Variants in EFTUD2 observed in about 807,000 individuals in gnomAD.
EFTUD2 encodes elongation factor Tu GTP binding domain containing 2.
A neutral mutation model predicts 114.3 loss-of-function variants in EFTUD2; 9 were observed. The observed-to-expected ratio is 0.08, with a 90% CI of 0.05 to 0.14. The LOEUF is 0.14. Among genes scored for constraint, EFTUD2 ranks in the 10% least tolerant of loss-of-function variants. EFTUD2 has a pLI of 1.00. For synonymous variants in EFTUD2, 449 were observed against 462.3 expected (o/e 0.97, Z 0.37); for missense variants, 765 against 1,241.2 (o/e 0.62, Z 5.76).
chr17:44,882,993 ATTAT>A (rs1034361489), intron 6 of EFTUD2, 96 bp downstream of exon 6: 132 of 1,142,260 alleles, frequency 1.2e-4, no homozygotes, highest in Non-Finnish European at 1.6e-4. Context: ...TGGAGGCGTC[ATTAT>A]TTATAGAGAA....
chr17:44,882,836 C>T (rs2051096922), intron 6 of EFTUD2, among the ~76,000 whole-genome samples: 1 of 152,100 alleles, frequency 6.6e-6, no homozygotes. Context: ...CTATAAAAGT[C>T]AGGATATATC....
chr17:44,858,921 A>C (rs2050606021), intron 19 of EFTUD2, among the ~76,000 whole-genome samples, 159 bp downstream of exon 19: 2 of 152,110 alleles, frequency 1.3e-5, no homozygotes, highest in Admixed American at 6.6e-5. Flanking sequence ...AAGGGGGCAA[A>C]CCAGTTCTCA....
At position 44,854,974 on chromosome 17, in the gene EFTUD2, A is replaced by C; in HGVS notation, c.2076T>G (p.Leu692=). The C allele has an allele frequency of 6.2e-7, 1 of 1,614,150 alleles. No individual in the cohort carries two copies. ...CTATGTCCTCTGCCAGGCCCTTCTC[A>C]AGAGGCTCAGCAATCATGGTGATCT... The part of the protein sequence containing the change: ...KNKITMIAEP[L]EKGLAEDIEN... The change falls in exon 21 of 28, where the codon CTT becomes CTG. Residue 692 remains leucine (L), a synonymous_variant. Coordinates refer to ENST00000426333, the MANE Select transcript of EFTUD2 (RefSeq NM_004247.4). This position sits in a 1 kb window ranked among gnomAD's most constrained non-coding sequence, Gnocchi z 4.3.
chr17:44,863,121 T>G (rs113036121), intron 15 of EFTUD2: 44 of 426,068 alleles, frequency 1.0e-4, no homozygotes, highest in African/African-American at 4.2e-4. Context: ...TTTTTTTTTT[T>G]GGGAGGATAA....
chr17:44,870,729 T>C (rs1352142704), intron 11 of EFTUD2, among the ~76,000 whole-genome samples: 1 of 152,256 alleles, frequency 6.6e-6, no homozygotes, highest in Admixed American at 6.5e-5. Context: ...TATGAGAACA[T>C]AGTACACAGG....
intron 16 of EFTUD2, among the ~76,000 whole-genome samples, chr17:44,861,676 TAAGC>T (rs1215127341): frequency 6.6e-6 from 1 of 151,792 alleles, no homozygotes; most frequent in Non-Finnish European, 1.5e-5. Flanking sequence ...GAGCTTGCAG[TAAGC>T]CGAGATCACA....
intron 20 of EFTUD2, among the ~76,000 whole-genome samples, chr17:44,856,070 G>A (rs562119829): frequency 1.4e-5 from 2 of 144,560 alleles, no homozygotes; most frequent in Non-Finnish European, 3.0e-5. Flanking sequence ...GGTTGAGGCT[G>A]CAGTGACCCA....
chr17:44,865,869 T>C (rs1368759562), intron 13 of EFTUD2, among the ~76,000 whole-genome samples: 2 of 152,102 alleles, frequency 1.3e-5, no homozygotes, highest in Non-Finnish European at 1.5e-5. Context: ...TGGAGTGCAG[T>C]GGTGTGATCA....
At chr17:44,896,309 A>G (rs1234711687) in intron 1 of EFTUD2, among the ~76,000 whole-genome samples, 1 of 152,086 alleles carries the variant, frequency 6.6e-6, no homozygotes, top group East Asian at 1.9e-4. Flanking sequence ...CCTCTATCCT[A>G]CTAGAGCTTT....
Position 44,854,303 on chromosome 17 carries a change from C to G in EFTUD2, c.2313G>C (p.Gln771His). ...SVKDSIVQGFQWGTREGPLCD... is the reference protein window; with the variant it reads ...SVKDSIVQGFHWGTREGPLCD... Reference sequence around the variant, plus strand: ...AGAGGGGGCCCTCCCTGGTTCCCCACTGGAAACCTTGAACGATGCTGTCCT... The same window carrying G: ...AGAGGGGGCCCTCCCTGGTTCCCCAGTGGAAACCTTGAACGATGCTGTCCT... The change falls in exon 23 of 28, where the codon CAG (glutamine) becomes CAC (histidine). Residue 771 changes from glutamine (Q) to histidine (H), a missense_variant. Physicochemically the swap from Gln to His is conservative, Grantham distance 24. Transcript: ENST00000426333. The surrounding 1 kb of genome is among the most constrained non-coding windows in gnomAD (Gnocchi z 4.3). 6.2e-7 allele frequency: 1 copy of G among 1,614,000 alleles called. No homozygotes were observed. The highest frequency in any genetic ancestry group is 8.5e-7 in the Non-Finnish European group (1 of 1,179,960).
At chr17:44,880,171 C>T (rs974827347) in intron 8 of EFTUD2, among the ~76,000 whole-genome samples, 10 of 152,090 alleles carry the variant, frequency 6.6e-5, no homozygotes, top group Admixed American at 6.5e-4. Context: ...AGCCAAGGTG[C>T]GCTGCTCCCA....
intron 11 of EFTUD2, among the ~76,000 whole-genome samples, chr17:44,870,517 C>T (rs1026912498): frequency 2.0e-5 from 3 of 152,144 alleles, no homozygotes; most frequent in African/African-American, 7.2e-5. Context: ...TTGAATGTCT[C>T]GGTTCCAATT....
intron 3 of EFTUD2, among the ~76,000 whole-genome samples, chr17:44,886,294 A>G (rs1198399791): frequency 6.6e-6 from 1 of 152,288 alleles, no homozygotes; most frequent in East Asian, 1.9e-4. Context: ...GGTTGGAGTT[A>G]TTTGGATGGA....
At position 44,860,008 on chromosome 17, in the gene EFTUD2, G is replaced by C. The variant is rs1037437262; in HGVS notation, c.1757C>G (p.Ser586Cys). 6.2e-7 allele frequency: 1 copy of C among 1,614,086 alleles called. No individual in the cohort carries two copies. Among genetic ancestry groups the C allele is most frequent in the Non-Finnish European group, 8.5e-7 (1 of 1,180,056 alleles). Residue 586 changes from serine (S) to cysteine (C), a missense_variant, in exon 18 of 28, where the codon TCT becomes TGT. By Grantham distance (112) the Ser-to-Cys change is moderately radical. Around this residue, in one of 6 missense-constraint regions of EFTUD2, gnomAD observed 149 missense variants for 245.1 expected, o/e 0.61. Coordinates refer to ENST00000426333, the MANE Select transcript of EFTUD2 (RefSeq NM_004247.4). ...TGGCTCCACAGCAATCTTGATAACA[G>C]ATGTGGTATTGAACTTCAAGGGTCG... is the stretch of plus-strand genomic sequence containing the variant. ...IFRPLKFNTT[S>C]VIKIAVEPVN...
rs116385363 is a variant in EFTUD2, at chr17:44,891,042, G to A, written c.105+3375C>T. Among the ~76,000 whole-genome samples the A allele has an allele frequency of 4.9e-3, 739 of 152,204 alleles. 9 individuals carry two copies. Among genetic ancestry groups the A allele is most frequent in the African/African-American group, 0.017 (694 of 41,520 alleles). On this transcript the variant is annotated intron_variant, in intron 2 of 27. Coordinates refer to ENST00000426333, the MANE Select transcript of EFTUD2 (RefSeq NM_004247.4). ...GAGAGGAATGTCACCAGGGCAAACC[G>A]AGTAGCAGTCAGTTCCCACAGACTA...
chr17:44,889,011 C>T (rs767504960), intron 2 of EFTUD2, among the ~76,000 whole-genome samples: 2 of 152,168 alleles, frequency 1.3e-5, no homozygotes, highest in Admixed American at 6.6e-5. Context: ...AATGGAGCCC[C>T]GGGCCTGCTG....
rs1211816889 is a variant in EFTUD2 at position 44,872,542 on chromosome 17, G to T, written c.898C>A (p.Leu300Ile). ...CAGACGTTACCCAGGAGTGGGGAAA[G>T]GATCAGGTTCTCATCAGTGGAATAC... is the stretch of plus-strand genomic sequence containing the variant. The part of the protein sequence containing the change: ...SMYSTDENLI[L>I]SPLLGNVCFS... The change falls in exon 11 of 28, where the codon CTT (leucine) becomes ATT (isoleucine). Residue 300 changes from leucine to isoleucine, a missense_variant. Leu to Ile is a conservative substitution (Grantham distance 5). Coordinates refer to ENST00000426333, the MANE Select transcript of EFTUD2 (RefSeq NM_004247.4). 2.5e-6 allele frequency: 4 copies of T among 1,612,618 alleles called. No individual in the cohort carries two copies. In the South Asian group the frequency reaches 3.3e-5, roughly 13 times the overall value.
At chr17:44,851,558 G>T in intron 27 of EFTUD2, 152 bp downstream of exon 27, 1 of 931,756 alleles carries the variant, frequency 1.1e-6, no homozygotes, top group Non-Finnish European at 1.6e-6. Flanking sequence ...CGAGACTGGG[G>T]CCCAGGTTTG....
chr17:44,893,298 T>A (rs1190950693), intron 2 of EFTUD2, among the ~76,000 whole-genome samples: 2 of 151,564 alleles, frequency 1.3e-5, no homozygotes, highest in African/African-American at 4.9e-5. Flanking sequence ...AATATTTGTA[T>A]TTTTAGTAGA....
Sources: allele counts gnomAD v4.1 joint callset (sites outside exome capture counted in the v4.1 genomes callset), GRCh38; gene constraint gnomAD v4.1.1; regional missense constraint gnomAD v4.1.1; non-coding constraint Gnocchi (gnomAD v3.1); transcripts MANE v1.5; gene names NCBI Gene and HGNC (gene_info 2026-07-23, HGNC 2026-07-21).